PTPN14: variants seen among roughly 807,000 people sequenced by gnomAD.
The protein encoded by PTPN14 is protein tyrosine phosphatase non-receptor type 14, also known as tyrosine-protein phosphatase non-receptor type 14.
In PTPN14, 53 loss-of-function variants were observed where a neutral mutation model predicts 126.8. The observed-to-expected ratio is 0.42, with a 90% confidence interval of 0.34 to 0.53. The LOEUF is 0.53. Ranked by LOEUF, PTPN14 falls within the 20% of genes least tolerant of loss-of-function variation. The pLI is 0.08. For missense variants in PTPN14, 1,257 were observed against 1,552.9 expected, an observed-to-expected ratio of 0.81 and a Z score of 3.20; for synonymous variants, 630 against 599.3, an observed-to-expected ratio of 1.05 and a Z score of -0.75.
rs912894023 is a variant in PTPN14, at chr1:214,551,362, G to A, written c.-334C>T. ...CGCCGCGATCCCGGCGCGAGAGTCCGAGCAGAGGCGCACCGGGGGAGAAAA... is the reference window on the plus strand; with the variant it reads ...CGCCGCGATCCCGGCGCGAGAGTCCAAGCAGAGGCGCACCGGGGGAGAAAA... On this transcript the variant is annotated 5_prime_UTR_variant, in exon 1 of 19. Transcript: ENST00000366956. 2.2e-4 allele frequency: 33 copies of A among 152,612 alleles called. No individual in the cohort carries two copies. Among genetic ancestry groups the A allele is most frequent in the Non-Finnish European group, 7.3e-5 (5 of 68,352 alleles). 9.5% of individuals were successfully genotyped at this position (152,612 alleles called of 1,614,324 possible).
Position 214,378,025 on chromosome 1 carries a change from C to G in PTPN14, c.2622G>C (p.Ser874=). Residue 874 remains serine, a synonymous_variant, in exon 14 of 19, where the codon TCG becomes TCC. Coordinates refer to ENST00000366956, the MANE Select transcript of PTPN14 (RefSeq NM_005401.5). ...CTTCCCGCCCTGAGACTCGAGCCAC[C>G]GAGAGCCCATTCAATGCTGCCAACA... The part of the protein sequence containing the change: ...PLMLAALNGL[S]VARVSGREEN... The G allele has an allele frequency of 6.2e-7, 1 of 1,613,124 alleles. No homozygotes were observed. Among genetic ancestry groups the G allele is most frequent in the Non-Finnish European group, 8.5e-7 (1 of 1,180,012 alleles).
intron 1 of PTPN14, among the ~76,000 whole-genome samples, chr1:214,470,831 T>C (rs1572020849): frequency 7.6e-6 from 1 of 131,634 alleles, no homozygotes; most frequent in Non-Finnish European, 1.6e-5. Flanking sequence ...CGGGCCAACA[T>C]GGCGAAACCC....
At chr1:214,368,196 T>TTTATTTATTTATTTA (rs1658128427) in intron 17 of PTPN14, among the ~76,000 whole-genome samples, 26 of 146,324 alleles carry the variant, frequency 1.8e-4, no homozygotes, top group African/African-American at 6.4e-4. Context: ...TGTTATTCGT[T>TTTATTTATTTATTTA]TTTATTTATT....
At chr1:214,393,005 A>G (rs907482302) in intron 10 of PTPN14, among the ~76,000 whole-genome samples, 4 of 152,346 alleles carry the variant, frequency 2.6e-5, no homozygotes, top group Admixed American at 1.3e-4. Flanking sequence ...CGCTGAATGT[A>G]TTCAGCTGAG....
chr1:214,382,765 ATTAT>A (rs987353983), intron 13 of PTPN14, among the ~76,000 whole-genome samples: 22 of 152,230 alleles, frequency 1.4e-4, no homozygotes. Flanking sequence ...TCAATGGAGA[ATTAT>A]TTATCCAATT....
At chr1:214,447,770 A>G (rs1660179408) in intron 3 of PTPN14, among the ~76,000 whole-genome samples, 1 of 152,196 alleles carries the variant, frequency 6.6e-6, no homozygotes, top group South Asian at 2.1e-4. Flanking sequence ...TCTTTGCCAT[A>G]AAGAGTTGGT....
In PTPN14 at chr1:214,353,273, AT is replaced by A. The variant is rs1353487968; in HGVS notation, c.*4648del. On this transcript the variant is annotated 3_prime_UTR_variant, in exon 19 of 19. Coordinates refer to ENST00000366956, the MANE Select transcript of PTPN14 (RefSeq NM_005401.5). The stretch of plus-strand genomic sequence containing the variant: ...CATATAACCTATGCACATCTCTTGC[AT>A]ACTTTAAATCATCTCTAGATTATTT... 6.6e-6 allele frequency: 1 copy of A among 152,260 alleles called. No homozygotes were observed. Among genetic ancestry groups the A allele is most frequent in the East Asian group, 1.9e-4 (1 of 5,198 alleles). 9.4% of individuals were successfully genotyped at this position (152,260 alleles called of 1,614,324 possible).
intron 5 of PTPN14, 76 bp downstream of exon 5, chr1:214,411,608 C>G (rs1659310886): frequency 8.5e-7 from 1 of 1,175,998 alleles, no homozygotes; most frequent in Admixed American, 2.6e-5. Context: ...ATGTAAAATC[C>G]TGAAATTTTC....
At chr1:214,433,951 C>CAAAA (rs1158472144) in intron 3 of PTPN14, among the ~76,000 whole-genome samples, 1 of 98,568 alleles carries the variant, frequency 1.0e-5, no homozygotes, top group Admixed American at 1.1e-4. Flanking sequence ...CACACACACA[C>CAAAA]AAAAAAAAAA....
chr1:214,363,789 A>G (rs1455366570), intron 18 of PTPN14, among the ~76,000 whole-genome samples: 1 of 152,186 alleles, frequency 6.6e-6, no homozygotes, highest in South Asian at 2.1e-4. Context: ...CCACGTAGCT[A>G]GAAGGTAGAA....
chr1:214,494,558 T>C (rs1289356959), intron 1 of PTPN14, among the ~76,000 whole-genome samples: 1 of 152,218 alleles, frequency 6.6e-6, no homozygotes, highest in Non-Finnish European at 1.5e-5. Context: ...CAACTTTAAC[T>C]TTATGCTCTG....
intron 2 of PTPN14, among the ~76,000 whole-genome samples, chr1:214,454,829 G>T (rs1042130067): frequency 6.6e-6 from 1 of 152,126 alleles, no homozygotes; most frequent in Non-Finnish European, 1.5e-5. Flanking sequence ...TGGAAGAAAC[G>T]GGGTGTCCAG....
At chr1:214,449,258 G>A (rs376343497) in intron 3 of PTPN14, among the ~76,000 whole-genome samples, 3 of 151,610 alleles carry the variant, frequency 2.0e-5, no homozygotes, top group Non-Finnish European at 2.9e-5. Context: ...CGCCCGCCTC[G>A]GCCTCCCAAA....
chr1:214,420,019 C>A (rs976999912), intron 3 of PTPN14, among the ~76,000 whole-genome samples: 2 of 152,208 alleles, frequency 1.3e-5, no homozygotes. Flanking sequence ...GCGTTTGGTA[C>A]CTGACCCATG....
chr1:214,476,484 T>G (rs1660871042), intron 1 of PTPN14, among the ~76,000 whole-genome samples: 1 of 152,144 alleles, frequency 6.6e-6, no homozygotes, highest in African/African-American at 2.4e-5. Flanking sequence ...CACACCTTCC[T>G]TTCCCCCGTT....
chr1:214,391,730 T>G (rs950375099), intron 10 of PTPN14, among the ~76,000 whole-genome samples: 1 of 147,002 alleles, frequency 6.8e-6, no homozygotes, highest in Non-Finnish European at 1.5e-5. Flanking sequence ...ACCCAGGACA[T>G]GTACAGTTTT....
At chr1:214,464,122 C>T (rs1438260432) in intron 2 of PTPN14, among the ~76,000 whole-genome samples, 1 of 150,920 alleles carries the variant, frequency 6.6e-6, no homozygotes, top group Non-Finnish European at 1.5e-5. Context: ...TTACAGGCTC[C>T]CACAAAAAGC....
chr1:214,499,806 C>T (rs116023961), intron 1 of PTPN14, among the ~76,000 whole-genome samples: 2,371 of 151,650 alleles, frequency 0.016, 58 homozygotes, highest in African/African-American at 0.054. Flanking sequence ...GGAGACAACT[C>T]TTAAAAAGAA....
At chr1:214,433,949 CACAAAAAAAAAAAAAAAAAA>C (rs1228703078) in intron 3 of PTPN14, among the ~76,000 whole-genome samples, 4 of 68,608 alleles carry the variant, frequency 5.8e-5, no homozygotes, top group Non-Finnish European at 1.1e-4. Context: ...CACACACACA[CACAAAAAAAAAAAAAAAAAA>C]AAACTCAAAA....
Sources: allele counts gnomAD v4.1 joint callset (sites outside exome capture counted in the v4.1 genomes callset), GRCh38; gene constraint gnomAD v4.1.1; transcripts MANE v1.5; gene names NCBI Gene and HGNC (gene_info 2026-07-23, HGNC 2026-07-21).